The following TNFRSF11A variants were observed in gnomAD, a reference collection of about 807,000 sequenced individuals.
TNFRSF11A encodes the protein TNF receptor superfamily member 11a.
TNFRSF11A carries 32 observed loss-of-function variants against 55.7 expected under a neutral mutation model. That is an observed-to-expected ratio of 0.57 (90% CI 0.43 to 0.77). The LOEUF is 0.77. TNFRSF11A is among the 30% of genes least tolerant of loss of function. The pLI is 0.00. For missense variants in TNFRSF11A, 753 were observed against 809.8 expected (o/e 0.93, Z 0.85); for synonymous variants, 311 against 331.0 (o/e 0.94, Z 0.65).
At chr18:62,382,587 G>A (rs769056405) in intron 9 of TNFRSF11A, among the ~76,000 whole-genome samples, 22 of 151,786 alleles carry the variant, frequency 1.4e-4, no homozygotes, top group Non-Finnish European at 2.6e-4. Flanking sequence ...CTGTCTCATT[G>A]TCATATTTGT....
In TNFRSF11A at chr18:62,383,254, T is replaced by G. The variant is rs573333056; in HGVS notation, c.1568-1497T>G. 2.2e-4 allele frequency among the ~76,000 whole-genome samples: 33 copies of G among 152,324 alleles called. No individual in the cohort carries two copies. The South Asian group carries it at 6.6e-3, about 31-fold the overall frequency. On this transcript the variant is annotated intron_variant, in intron 9 of 9. Coordinates refer to ENST00000586569, the MANE Select transcript of TNFRSF11A (RefSeq NM_003839.4). This position sits in a 1 kb window ranked among gnomAD's most constrained non-coding sequence, Gnocchi z 4.2. ...TTGTTGCTCATACTTGAAATCCTTGTGTCTTCATGGGCTTTTCCTTGTGTT... is the reference window on the plus strand; with the variant it reads ...TTGTTGCTCATACTTGAAATCCTTGGGTCTTCATGGGCTTTTCCTTGTGTT...
At chr18:62,376,574 G>A (rs549980665) in intron 9 of TNFRSF11A, among the ~76,000 whole-genome samples, 1 of 152,204 alleles carries the variant, frequency 6.6e-6, no homozygotes, top group Non-Finnish European at 1.5e-5. Context: ...CACTAGAGTG[G>A]TACATTTGCT....
At chr18:62,328,975 A>G (rs2046112788) in intron 1 of TNFRSF11A, among the ~76,000 whole-genome samples, 1 of 152,188 alleles carries the variant, frequency 6.6e-6, no homozygotes, top group East Asian at 1.9e-4. Flanking sequence ...TCAATAAATC[A>G]GTGTTTTATG....
Position 62,361,738 on chromosome 18 carries a change from G to A in TNFRSF11A, c.675G>A (p.Leu225=), listed in dbSNP as rs1236620735. ...IILLLFASVA[L]VAAIIFGVCY... is the part of the protein sequence containing the mutation. ...TGCTTCTCTTCGCGTCTGTGGCCCT[G>A]GTGGCTGCCATCATCTTTGGCGTTT... is the stretch of plus-strand genomic sequence containing the variant. Residue 225 remains leucine (L), a synonymous_variant, in exon 7 of 10, where the codon CTG becomes CTA. Transcript: ENST00000586569. 1 of 1,614,132 alleles carries A rather than the reference G, an allele frequency of 6.2e-7. No individual in the cohort carries two copies. The highest frequency in any genetic ancestry group is 8.5e-7 in the Non-Finnish European group (1 of 1,180,018).
intron 1 of TNFRSF11A, among the ~76,000 whole-genome samples, chr18:62,339,797 A>G (rs534211869): frequency 6.6e-6 from 1 of 152,290 alleles, no homozygotes; most frequent in East Asian, 1.9e-4. Context: ...GACTCAGGCA[A>G]AGGTGAATGA....
intron 1 of TNFRSF11A, among the ~76,000 whole-genome samples, chr18:62,330,496 G>C (rs4941126): frequency 0.27 from 40,766 of 152,124 alleles, 6,251 homozygotes; most frequent in East Asian, 0.41. Flanking sequence ...TGTGGGGAGA[G>C]AGGAAGGCAA....
chr18:62,361,492 G>A (rs1330792277), intron 6 of TNFRSF11A, among the ~76,000 whole-genome samples, 188 bp from the exon 7 acceptor site: 3 of 152,178 alleles, frequency 2.0e-5, no homozygotes, highest in Non-Finnish European at 4.4e-5. Context: ...GGCTGGCTGA[G>A]ATTGTGGATC....
intron 7 of TNFRSF11A, 65 bp downstream of exon 7, chr18:62,361,858 G>A: frequency 7.1e-7 from 1 of 1,414,704 alleles, no homozygotes. Context: ...TAAATGCTTT[G>A]GAAGTTGAGT....
Position 62,360,152 on chromosome 18 carries a change from C to A in TNFRSF11A, c.616+103C>A, listed in dbSNP as rs1415258253. 3.7e-6 allele frequency: 3 copies of A among 819,754 alleles called. 1 individual carries two copies. Among genetic ancestry groups the A allele is most frequent in the South Asian group, 2.8e-5 (2 of 71,222 alleles). 50.8% of individuals were successfully genotyped at this position (819,754 alleles called of 1,614,324 possible). On this transcript the variant is annotated intron_variant, in intron 6 of 9. Coordinates refer to ENST00000586569, the MANE Select transcript of TNFRSF11A (RefSeq NM_003839.4). ...CGTGGATTTGCGGGCGTCCTCTCCC[C>A]CTTTATTTCATCCCGTGCATGGTCA...
intron 7 of TNFRSF11A, among the ~76,000 whole-genome samples, chr18:62,363,345 G>A (rs967451646): frequency 2.0e-5 from 3 of 149,632 alleles, no homozygotes; most frequent in African/African-American, 7.4e-5. Flanking sequence ...TAAGCAGTGA[G>A]CAATGTTTGA....
chr18:62,358,600 A>C (rs1004955586), intron 5 of TNFRSF11A, among the ~76,000 whole-genome samples: 1 of 152,196 alleles, frequency 6.6e-6, no homozygotes, highest in Non-Finnish European at 1.5e-5. Context: ...AGCTTTTTCT[A>C]ACCTTGTTTG....
At position 62,384,928 on chromosome 18, in the gene TNFRSF11A, C is replaced by G. The variant is rs1236606037; in HGVS notation, c.1745C>G (p.Ala582Gly). The G allele has an allele frequency of 2.6e-6, 4 of 1,550,194 alleles. No individual in the cohort carries two copies. The highest frequency in any genetic ancestry group is 3.5e-6 in the Non-Finnish European group (4 of 1,149,550). The stretch of plus-strand genomic sequence containing the variant: ...ACCCTGGCGCGCCGAGACTCCTTCG[C>G]GGGGAACGGCCCGCGCTTCCCGGAC... ...EETLARRDSF[A>G]GNGPRFPDPC... The change falls in exon 10 of 10, where the codon GCG becomes GGG. Residue 582 changes from alanine to glycine, a missense_variant. By Grantham distance (60) the Ala-to-Gly change is moderately conservative (BLOSUM62 0). Transcript: ENST00000586569.
At chr18:62,353,569 A>T (rs1908995356) in intron 3 of TNFRSF11A, among the ~76,000 whole-genome samples, 1 of 152,258 alleles carries the variant, frequency 6.6e-6, no homozygotes, top group Non-Finnish European at 1.5e-5. Flanking sequence ...GGACTGCAGA[A>T]GTACCAAGAG....
chr18:62,359,537 C>T (rs1429378412), intron 5 of TNFRSF11A, among the ~76,000 whole-genome samples: 1 of 152,000 alleles, frequency 6.6e-6, no homozygotes, highest in Non-Finnish European at 1.5e-5. Context: ...GTACACCGCA[C>T]CCAGCTGATT....
intron 1 of TNFRSF11A, among the ~76,000 whole-genome samples, chr18:62,333,106 G>A (rs939338321): frequency 1.3e-5 from 2 of 152,188 alleles, no homozygotes. Context: ...CCGCCCTGAT[G>A]TGTGGAGCCC....
At chr18:62,367,826 C>T (rs1377073731) in intron 8 of TNFRSF11A, among the ~76,000 whole-genome samples, 1 of 117,240 alleles carries the variant, frequency 8.5e-6, no homozygotes, top group South Asian at 3.2e-4. Context: ...CAGAATCTCA[C>T]TCTCTCATCC....
At chr18:62,348,330 A>G in intron 2 of TNFRSF11A, 81 bp downstream of exon 2, 1 of 1,331,732 alleles carries the variant, frequency 7.5e-7, no homozygotes, top group Admixed American at 1.8e-5. Flanking sequence ...TGCCAGATGA[A>G]AAAAAGAAAT....
chr18:62,342,244 A>T (rs1308412181), intron 1 of TNFRSF11A, among the ~76,000 whole-genome samples: 7 of 151,416 alleles, frequency 4.6e-5, no homozygotes, highest in African/African-American at 1.5e-4. Context: ...CTACCAAAAA[A>T]TACAAAAATT....
intron 5 of TNFRSF11A, among the ~76,000 whole-genome samples, chr18:62,358,684 T>C (rs1909449493): frequency 6.6e-6 from 1 of 152,236 alleles, no homozygotes; most frequent in Admixed American, 6.5e-5. Context: ...ACTGATTTAT[T>C]CATCCAGTTA....
Sources: allele counts gnomAD v4.1 joint callset (sites outside exome capture counted in the v4.1 genomes callset), GRCh38; gene constraint gnomAD v4.1.1; non-coding constraint Gnocchi (gnomAD v3.1); transcripts MANE v1.5; gene names NCBI Gene and HGNC (gene_info 2026-07-23, HGNC 2026-07-21).